The following RPAP2 variants were observed in gnomAD, a reference collection of about 807,000 sequenced individuals.
RPAP2 encodes RNA polymerase II associated protein 2.
In RPAP2, 52 loss-of-function variants were observed where a neutral mutation model predicts 73.1. That is an observed-to-expected ratio of 0.71 (90% confidence interval 0.57 to 0.90). The LOEUF (loss-of-function observed/expected upper bound fraction) is 0.90, where lower values mean the gene tolerates loss of function less well. Ranked by LOEUF, RPAP2 falls within the 40% of genes least tolerant of loss-of-function variation. RPAP2 has a pLI of 0.00. For missense variants in RPAP2, 598 were observed against 701.8 expected, an observed-to-expected ratio of 0.85 and a Z score of 1.67; for synonymous variants, 225 against 242.1, an observed-to-expected ratio of 0.93 and a Z score of 0.65.
intron 6 of RPAP2, among the ~76,000 whole-genome samples, chr1:92,311,385 A>C (rs1211003413): frequency 6.6e-6 from 1 of 152,230 alleles, no homozygotes; most frequent in Non-Finnish European, 1.5e-5. Context: ...TATCTGCTTA[A>C]GACTAGAGAA....
chr1:92,338,338 A>C (rs145886612), intron 10 of RPAP2, among the ~76,000 whole-genome samples: 2 of 152,248 alleles, frequency 1.3e-5, no homozygotes, highest in Non-Finnish European at 2.9e-5. Flanking sequence ...GCCTTTGCCA[A>C]AAGAGGATTT....
At chr1:92,360,106 A>C (rs1274508567) in intron 11 of RPAP2, among the ~76,000 whole-genome samples, 2 of 152,254 alleles carry the variant, frequency 1.3e-5, no homozygotes, top group East Asian at 3.8e-4. Flanking sequence ...ATCTGACTTC[A>C]AAATATGTAC....
chr1:92,375,656 C>T (rs961035059), intron 11 of RPAP2, among the ~76,000 whole-genome samples: 1 of 152,132 alleles, frequency 6.6e-6, no homozygotes, highest in African/African-American at 2.4e-5. Flanking sequence ...CATGGTGAAA[C>T]CCCATCTCTA....
At chr1:92,367,609 C>G (rs1416533117) in intron 11 of RPAP2, among the ~76,000 whole-genome samples, 3 of 152,174 alleles carry the variant, frequency 2.0e-5, no homozygotes, top group Admixed American at 6.6e-5. Context: ...GCATGGTAAT[C>G]AGCAGAACAG....
At chr1:92,357,814 G>T (rs910918490) in intron 11 of RPAP2, among the ~76,000 whole-genome samples, 1 of 152,390 alleles carries the variant, frequency 6.6e-6, no homozygotes, top group Admixed American at 6.5e-5. Context: ...TTACAGGCGT[G>T]AGCCACCATA....
At chr1:92,357,722 G>C (rs970886158) in intron 11 of RPAP2, among the ~76,000 whole-genome samples, 4 of 152,138 alleles carry the variant, frequency 2.6e-5, no homozygotes, top group African/African-American at 9.7e-5. Flanking sequence ...AATAGAGATG[G>C]GGTTTTGCCA....
At chr1:92,321,822 A>T (rs765873719) in intron 7 of RPAP2, among the ~76,000 whole-genome samples, 1 of 152,014 alleles carries the variant, frequency 6.6e-6, no homozygotes, top group South Asian at 2.1e-4. Context: ...TTTTCTGTAC[A>T]ACAATCAACC....
intron 11 of RPAP2, among the ~76,000 whole-genome samples, chr1:92,370,943 C>G (rs2101419725): frequency 6.6e-6 from 1 of 152,146 alleles, no homozygotes; most frequent in Admixed American, 6.5e-5. Flanking sequence ...AAAAGGGAAC[C>G]CTTGAACATT....
intron 11 of RPAP2, among the ~76,000 whole-genome samples, chr1:92,349,652 G>A (rs778076608): frequency 3.9e-5 from 6 of 152,180 alleles, no homozygotes; most frequent in African/African-American, 9.7e-5. Context: ...TCTGTGCCAG[G>A]TGCAGTGGCT....
At chr1:92,316,743 C>T (rs776854171) in intron 6 of RPAP2, among the ~76,000 whole-genome samples, 4 of 151,958 alleles carry the variant, frequency 2.6e-5, no homozygotes, top group African/African-American at 7.3e-5. Context: ...TCTCTTCAAA[C>T]GAAAGAAATT....
At chr1:92,363,376 A>G (rs1654807048) in intron 11 of RPAP2, among the ~76,000 whole-genome samples, 1 of 152,234 alleles carries the variant, frequency 6.6e-6, no homozygotes, top group African/African-American at 2.4e-5. Context: ...ATCATGGCAC[A>G]GGCAGATGGA....
At chr1:92,372,831 C>T (rs1655208524) in intron 11 of RPAP2, among the ~76,000 whole-genome samples, 1 of 152,186 alleles carries the variant, frequency 6.6e-6, no homozygotes, top group African/African-American at 2.4e-5. Flanking sequence ...AGGAGGATTG[C>T]TTGAGCCCAG....
chr1:92,312,747 C>T (rs1651666340), intron 6 of RPAP2, among the ~76,000 whole-genome samples: 1 of 152,150 alleles, frequency 6.6e-6, no homozygotes, highest in Admixed American at 6.6e-5. Flanking sequence ...GGGTTACAAT[C>T]AACTTCTTCC....
chr1:92,336,437 T>C lies in RPAP2; in HGVS notation c.1619+10T>C. The C allele has an allele frequency of 6.6e-7, 1 of 1,517,972 alleles. No homozygotes were observed. The highest frequency in any genetic ancestry group is 9.1e-7 in the Non-Finnish European group (1 of 1,094,602). 94.0% of individuals were successfully genotyped at this position (1,517,972 alleles called of 1,614,324 possible). ...TTGTTCGAACTTTCAGGTTAGTGTT[T>C]ATATTACAATTATCCTTCTCAATTA... On this transcript the variant is annotated intron_variant, in intron 10 of 12. Transcript: ENST00000610020.
intron 6 of RPAP2, among the ~76,000 whole-genome samples, chr1:92,308,174 C>A (rs1651363751): frequency 6.6e-6 from 1 of 152,218 alleles, no homozygotes; most frequent in East Asian, 1.9e-4. Flanking sequence ...GACAACAGCA[C>A]CTGTGATGGC....
intron 11 of RPAP2, among the ~76,000 whole-genome samples, chr1:92,370,867 T>C (rs1480572645): frequency 1.3e-5 from 2 of 152,144 alleles, no homozygotes; most frequent in African/African-American, 2.4e-5. Context: ...CATGCAAGAA[T>C]AGTGATAGCC....
chr1:92,379,973 A>AT (rs1655553187), intron 11 of RPAP2, among the ~76,000 whole-genome samples: 1 of 151,238 alleles, frequency 6.6e-6, no homozygotes, highest in African/African-American at 2.4e-5. Flanking sequence ...AAATATAAAA[A>AT]TGTTGACCAG....
At position 92,391,652 on chromosome 1, in the gene RPAP2, G is replaced by C. The variant is rs993666166; in HGVS notation, c.*4641G>C. On this transcript the variant is annotated 3_prime_UTR_variant, in exon 13 of 13. Coordinates refer to ENST00000610020, the MANE Select transcript of RPAP2 (RefSeq NM_024813.3). ...GACCGTTAGCAAGGCTAAAAAAGAA[G>C]AAAAGAGAGAAGAGTCAAATAGATG... The C allele has an allele frequency of 3.9e-5, 6 of 152,040 alleles. No individual in the cohort carries two copies. The highest frequency in any genetic ancestry group is 1.5e-4 in the African/African-American group (6 of 41,370). The allele number at this position is 152,040 out of a possible 1,614,324, so 9.4% of individuals were successfully genotyped here. A position where few individuals can be genotyped will look rare whatever the true frequency, so the allele number is the denominator to read the frequency against.
chr1:92,325,012 T>C (rs578136995), intron 8 of RPAP2, among the ~76,000 whole-genome samples: 2 of 152,318 alleles, frequency 1.3e-5, no homozygotes, highest in Admixed American at 6.5e-5. Flanking sequence ...TCAATTGTTA[T>C]TTGTTTTAAA....
Sources: allele counts gnomAD v4.1 joint callset (sites outside exome capture counted in the v4.1 genomes callset), GRCh38; gene constraint gnomAD v4.1.1; transcripts MANE v1.5; gene names NCBI Gene and HGNC (gene_info 2026-07-23, HGNC 2026-07-21).